FBXO44: variants seen among roughly 807,000 people sequenced by gnomAD.
The protein encoded by FBXO44 is F-box protein 44.
Under a neutral mutation model 33.5 loss-of-function variants are expected in FBXO44, and 25 were observed. That is an observed-to-expected ratio of 0.75 (90% CI 0.54 to 1.04). The LOEUF (loss-of-function observed/expected upper bound fraction) is 1.04. FBXO44 is among the 50% of genes least tolerant of loss of function. The pLI, the probability that FBXO44 is intolerant of heterozygous loss-of-function variation, is 0.00. For missense variants in FBXO44, 311 were observed against 344.0 expected (o/e 0.90, Z 0.76); for synonymous variants, 147 against 152.8 (o/e 0.96, Z 0.28).
At chr1:11,660,994 A>ACT in intron 5 of FBXO44, 136 bp from the exon 6 acceptor site, 1 of 858,814 alleles carries the variant, frequency 1.2e-6, no homozygotes, top group South Asian at 1.7e-5. Flanking sequence ...TTGCGACAAG[A>ACT]CTAGTTGCAA....
rs775246428 is a variant in FBXO44 at position 11,655,906 on chromosome 1, G to T, written c.71G>T (p.Arg24Leu). The change falls in exon 2 of 6, where the codon CGC becomes CTC. Residue 24 changes from arginine to leucine, a missense_variant. Coordinates refer to ENST00000251547, the MANE Select transcript of FBXO44 (RefSeq NM_033182.7). ...LLELFTHVPARQLLLNCRLVC... is the reference protein window; with the variant it reads ...LLELFTHVPALQLLLNCRLVC... ...GAGCTGTTCACGCACGTGCCCGCCC[G>T]CCAGCTGCTGCTGAACTGCCGCCTG... The T allele has an allele frequency of 1.9e-6, 3 of 1,613,672 alleles. No individual in the cohort carries two copies. Among genetic ancestry groups the T allele is most frequent in the Middle Eastern group, 1.6e-4 (1 of 6,084 alleles).
chr1:11,658,829 C>G lies in FBXO44; in HGVS notation c.582C>G (p.Asp194Glu). Residue 194 changes from aspartate to glutamate, a missense_variant, in exon 5 of 6, where the codon GAC becomes GAG. By Grantham distance (45) the Asp-to-Glu change is conservative (BLOSUM62 2). Transcript: ENST00000251547. ...AHAPLGTFQP[D>E]PATIQQKSDA... ...CGCCTCTGGGGACCTTCCAGCCAGA[C>G]CCGGCGACCATCCAGCAGAAGAGCG... The G allele has an allele frequency of 6.2e-7, 1 of 1,612,514 alleles. No homozygotes were observed. The highest frequency in any genetic ancestry group is 2.2e-5 in the East Asian group (1 of 44,860).
rs753483881 is a variant in FBXO44, at chr1:11,656,033, C to T, written c.198C>T (p.Ala66=). 3.7e-6 allele frequency: 6 copies of T among 1,614,166 alleles called. No homozygotes were observed. Among genetic ancestry groups the T allele is most frequent in the Non-Finnish European group, 4.2e-6 (5 of 1,180,028 alleles). ...FITEDWDQPV[A]DWKIFYFLRS... is the part of the protein sequence containing the mutation. ...CTGAGGACTGGGACCAGCCCGTGGC[C>T]GACTGGAAGATCTTCTACTTCTTAC... The change falls in exon 2 of 6, where the codon GCC becomes GCT. Residue 66 remains alanine, a synonymous_variant. Coordinates refer to ENST00000251547, the MANE Select transcript of FBXO44 (RefSeq NM_033182.7).
At chr1:11,658,712 G>A (rs369457346) in intron 4 of FBXO44, 24 bp from the exon 5 acceptor site, 11 of 1,613,428 alleles carry the variant, frequency 6.8e-6, no homozygotes, top group Admixed American at 1.7e-5. Context: ...CCGAGGCCCT[G>A]ATGGGCCCTC....
intron 4 of FBXO44, 40 bp from the exon 5 acceptor site, chr1:11,658,696 C>CCAAA: frequency 6.2e-7 from 1 of 1,609,436 alleles, no homozygotes; most frequent in Non-Finnish European, 8.5e-7. Flanking sequence ...GCCCTGCCCC[C>CCAAA]AATCTCCGAG....
chr1:11,656,151 A>C (rs1230301079), intron 2 of FBXO44, 51 bp downstream of exon 2: 1 of 1,595,004 alleles, frequency 6.3e-7, no homozygotes, highest in Admixed American at 1.7e-5. Context: ...TCATGACACC[A>C]GGAACATGTA....
chr1:11,658,692 C>T lies in FBXO44; in HGVS notation c.489-44C>T, dbSNP rs780575796. On this transcript the variant is annotated intron_variant, in intron 4 of 5. Coordinates refer to ENST00000251547, the MANE Select transcript of FBXO44 (RefSeq NM_033182.7). ...AATCAGGCGCCCCACCCCCGCCCTG[C>T]CCCCAATCTCCGAGGCCCTGATGGG... The T allele has an allele frequency of 5.0e-6, 8 of 1,610,800 alleles. No individual in the cohort carries two copies. In the East Asian group the frequency reaches 8.9e-5, roughly 18 times the overall value.
At chr1:11,654,486 C>T (rs1639629236), upstream of FBXO44, 2 of 749,874 alleles carry the variant, frequency 2.7e-6, no homozygotes, top group Non-Finnish European at 3.7e-6. Flanking sequence ...CGCCCCGCCC[C>T]GCCTCTGGCC....
chr1:11,658,511 C>T (rs768179674), intron 3 of FBXO44, 22 bp from the exon 4 acceptor site: 1 of 1,609,760 alleles, frequency 6.2e-7, no homozygotes, highest in Non-Finnish European at 8.5e-7. Context: ...CCAGCCCCTC[C>T]CACCCCTCTG....
In FBXO44 at chr1:11,661,463, C is replaced by A; in HGVS notation, c.*190C>A. On this transcript the variant is annotated 3_prime_UTR_variant, in exon 6 of 6. Coordinates refer to ENST00000251547, the MANE Select transcript of FBXO44 (RefSeq NM_033182.7). The surrounding 1 kb of genome is among the most constrained non-coding windows in gnomAD (Gnocchi z 4.4). ...ATGCTGGGGTCGGGCCAGCTCTCCCCGAAAGGTCTTGACCTGAATGATGGC... is the reference window on the plus strand; with the variant it reads ...ATGCTGGGGTCGGGCCAGCTCTCCCAGAAAGGTCTTGACCTGAATGATGGC... 1 of 796,554 alleles carries A rather than the reference C, an allele frequency of 1.3e-6. No homozygotes were observed. The highest frequency in any genetic ancestry group is 1.9e-6 in the Non-Finnish European group (1 of 520,654). The allele number at this position is 796,554 out of a possible 1,614,324, so 49.3% of individuals were successfully genotyped here.
chr1:11,655,773 A>C, intron 1 of FBXO44, 33 bp from the exon 2 acceptor site: 2 of 1,589,188 alleles, frequency 1.3e-6, no homozygotes, highest in South Asian at 1.1e-5. Flanking sequence ...ATGGCAGAGC[A>C]GGGATGAGGC....
rs571827327 is a variant in FBXO44 at position 11,657,127 on chromosome 1, C to G, written c.265+1027C>G. On this transcript the variant is annotated intron_variant, in intron 2 of 5. Transcript: ENST00000251547. ...ATGATAATAAAACCACTCCTCCAAGCTGTGCATGAGCCAAATCTGGCTGAG... is the reference window on the plus strand; with the variant it reads ...ATGATAATAAAACCACTCCTCCAAGGTGTGCATGAGCCAAATCTGGCTGAG... Among the ~76,000 whole-genome samples, 180 of 152,286 alleles carry G rather than the reference C, an allele frequency of 1.2e-3. 1 individual carries two copies. The highest frequency in any genetic ancestry group is 4.2e-3 in the African/African-American group (176 of 41,550).
chr1:11,662,184 C>G lies in FBXO44; in HGVS notation c.*911C>G, dbSNP rs931748422. 2.0e-5 allele frequency: 3 copies of G among 152,092 alleles called. No homozygotes were observed. Among genetic ancestry groups the G allele is most frequent in the African/African-American group, 7.2e-5 (3 of 41,384 alleles). The allele number at this position is 152,092 out of a possible 1,614,324, so 9.4% of individuals were successfully genotyped here. ...CTGCCATTCCCAAGACCTCTGTCTC[C>G]CAGCCAACCACCCTTGGAACTTGCC... is the stretch of plus-strand genomic sequence containing the variant. On this transcript the variant is annotated 3_prime_UTR_variant, in exon 6 of 6. Coordinates refer to ENST00000251547, the MANE Select transcript of FBXO44 (RefSeq NM_033182.7).
chr1:11,663,250 G>C lies in FBXO44; in HGVS notation c.*1977G>C, dbSNP rs531640146. ...TGAGATTACAGGCGTGAGCCACCGC[G>C]CCCAGCGATTGTTTCTTGAGGCTTC... On this transcript the variant is annotated 3_prime_UTR_variant, in exon 6 of 6. Transcript: ENST00000251547. 1 of 152,014 alleles carries C rather than the reference G, an allele frequency of 6.6e-6. No homozygotes were observed. Among genetic ancestry groups the C allele is most frequent in the African/African-American group, 2.4e-5 (1 of 41,378 alleles). 9.4% of individuals were successfully genotyped at this position (152,014 alleles called of 1,614,324 possible). A position where few individuals can be genotyped will look rare whatever the true frequency, so the allele number is the denominator to read the frequency against.
At chr1:11,656,948 T>C (rs765043621) in intron 2 of FBXO44, among the ~76,000 whole-genome samples, 3 of 152,182 alleles carry the variant, frequency 2.0e-5, no homozygotes, top group Non-Finnish European at 4.4e-5. Flanking sequence ...GGGTTTTGCT[T>C]GTGGAAGAAT....
upstream of FBXO44, chr1:11,654,582 G>A (rs1486169247): frequency 2.4e-5 from 9 of 371,872 alleles, no homozygotes; most frequent in African/African-American, 1.9e-4. Context: ...GCTGGGAAAG[G>A]TCAGGAGTCG....
chr1:11,655,550 G>A (rs1016867326), intron 1 of FBXO44: 11 of 472,926 alleles, frequency 2.3e-5, no homozygotes, highest in African/African-American at 2.1e-4. Context: ...AAGAAGATCC[G>A]GGCTTCTTCC....
At position 11,654,918 on chromosome 1, in the gene FBXO44, G is replaced by T. The variant is rs931979275; in HGVS notation, c.-65G>T. 6.7e-6 allele frequency: 1 copy of T among 148,666 alleles called. No homozygotes were observed. Among genetic ancestry groups the T allele is most frequent in the African/African-American group, 2.5e-5 (1 of 40,708 alleles). 9.2% of individuals were successfully genotyped at this position (148,666 alleles called of 1,614,324 possible). ...CAGGTCCAGGCGGTGCAGCTTGGGCGGCCCAACGGATCGTGCCGCGGCGGC... is the reference window on the plus strand; with the variant it reads ...CAGGTCCAGGCGGTGCAGCTTGGGCTGCCCAACGGATCGTGCCGCGGCGGC... On this transcript the variant is annotated 5_prime_UTR_variant, in exon 1 of 6. Transcript: ENST00000251547.
intron 5 of FBXO44, among the ~76,000 whole-genome samples, chr1:11,659,248 G>A (rs1246265923): frequency 6.6e-6 from 1 of 152,176 alleles, no homozygotes; most frequent in Non-Finnish European, 1.5e-5. Context: ...TTACCCAGGC[G>A]TGGTGGCACA....
Sources: gnomAD v4.1 joint callset for allele counts (sites outside exome capture counted in the v4.1 genomes callset) on GRCh38, gnomAD v4.1.1 for gene constraint, Gnocchi (gnomAD v3.1) non-coding constraint, MANE v1.5 for transcripts, NCBI Gene and HGNC (gene_info 2026-07-23, HGNC 2026-07-21) for gene names.